SEM1: variants seen among roughly 807,000 people sequenced by gnomAD.
The protein encoded by SEM1 is SEM1 26S proteasome subunit.
SEM1 carries 3 observed loss-of-function variants against 12.7 expected under a neutral mutation model. The observed-to-expected ratio is 0.24, with a 90% CI of 0.11 to 0.61. The LOEUF (loss-of-function observed/expected upper bound fraction) is 0.61, where lower values mean the gene tolerates loss of function less well. SEM1 is among the 20% of genes least tolerant of loss of function. The pLI is 0.88. For synonymous variants in SEM1, 30 were observed against 27.8 expected, an observed-to-expected ratio of 1.08 and a Z score of -0.25; for missense variants, 59 against 81.3, an observed-to-expected ratio of 0.73 and a Z score of 1.06.
chr7:96,605,937 C>T (rs1807337434), intron 2 of SEM1, among the ~76,000 whole-genome samples: 1 of 152,144 alleles, frequency 6.6e-6, no homozygotes, highest in East Asian at 1.9e-4. Context: ...CAAGGGTACC[C>T]ACATTGTACA....
In SEM1 at chr7:96,612,980, A is replaced by G. The variant is rs1807588679; in HGVS notation, c.170+81818T>C. ...TAAAAAATTAAAACTTTTTTAAATG[A>G]AGAAAAGTACAAAAGAAAGTATTTT... On this transcript the variant is annotated intron_variant and NMD_transcript_variant, in intron 2 of 3. Transcript: ENST00000466986. Among the ~76,000 whole-genome samples the G allele has an allele frequency of 2.0e-5, 3 of 152,168 alleles. No individual in the cohort carries two copies. In the South Asian group the frequency reaches 6.2e-4, roughly 32 times the overall value.
Position 96,504,667 on chromosome 7 carries a change from AC to A in SEM1, c.*60+1955del, listed in dbSNP as rs1367460058. On this transcript the variant is annotated intron_variant and NMD_transcript_variant, in intron 3 of 3. Transcript: ENST00000466986. Reference sequence around the variant, plus strand: ...AGAAAAGCTACAGTACCATTTTCAAACCTAAAAACATCGAGCAATTCCTCAT... The same window carrying A: ...AGAAAAGCTACAGTACCATTTTCAAACTAAAAACATCGAGCAATTCCTCAT... Among the ~76,000 whole-genome samples the A allele has an allele frequency of 2.0e-5, 3 of 152,232 alleles. No individual in the cohort carries two copies. In the East Asian group the frequency reaches 5.8e-4, roughly 29 times the overall value.
chr7:96,694,842 A>G lies in SEM1; in HGVS notation c.126T>C (p.Asn42=). Residue 42 remains asparagine, a synonymous_variant, in exon 2 of 3, where the codon AAT becomes AAC. Coordinates refer to ENST00000248566, the MANE Select transcript of SEM1 (RefSeq NM_006304.2). ...CATCCTCTACATTGTCATCATCCCA[A>G]TTATCCTCCCAGACATGTGCATCTT... ...EDEDAHVWED[N]WDDDNVEDDF... The G allele has an allele frequency of 1.2e-6, 2 of 1,611,734 alleles. No individual in the cohort carries two copies. Among genetic ancestry groups the G allele is most frequent in the East Asian group, 2.2e-5 (1 of 44,774 alleles).
chr7:96,700,102 T>C (rs1244031114), intron 1 of SEM1, among the ~76,000 whole-genome samples: 1 of 152,214 alleles, frequency 6.6e-6, no homozygotes, highest in Non-Finnish European at 1.5e-5. Context: ...AAGCACTTAG[T>C]ACTGATAAAT....
chr7:96,552,588 C>T (rs1805319609), intron 2 of SEM1, among the ~76,000 whole-genome samples: 1 of 146,496 alleles, frequency 6.8e-6, no homozygotes, highest in Non-Finnish European at 1.5e-5. Context: ...TCCAGTCTAT[C>T]ATTGTTGGAC....
rs11974374 is a variant in SEM1, at chr7:96,518,246, G to T, written c.171-11548C>A. Among the ~76,000 whole-genome samples the T allele has an allele frequency of 5.1e-3, 770 of 152,198 alleles. 3 individuals are homozygous for T. The highest frequency in any genetic ancestry group is 0.018 in the African/African-American group (744 of 41,544). ...CCCCATATTATTCTTACTCAAATTC[G>T]GGGCTGGAGTGGAAAGTTTCTGCCA... On this transcript the variant is annotated intron_variant and NMD_transcript_variant, in intron 2 of 3. Coordinates refer to the SEM1 transcript ENST00000466986.
chr7:96,548,478 A>T (rs2115826427), intron 2 of SEM1, among the ~76,000 whole-genome samples: 1 of 152,292 alleles, frequency 6.6e-6, no homozygotes, highest in South Asian at 2.1e-4. Context: ...CTGTATTTTA[A>T]CAAAATCCCC....
At chr7:96,561,044 G>C (rs1306718325) in intron 2 of SEM1, among the ~76,000 whole-genome samples, 2 of 152,052 alleles carry the variant, frequency 1.3e-5, no homozygotes, top group African/African-American at 4.8e-5. Context: ...AGTCTCCCCA[G>C]TAGCTGAGAC....
At chr7:96,579,645 AATATTC>A (rs1479279735) in intron 2 of SEM1, among the ~76,000 whole-genome samples, 1 of 152,220 alleles carries the variant, frequency 6.6e-6, no homozygotes, top group African/African-American at 2.4e-5. Flanking sequence ...TACTAAAACT[AATATTC>A]ATAGTAATGT....
chr7:96,519,450 C>T (rs952154895), intron 2 of SEM1, among the ~76,000 whole-genome samples: 1 of 151,780 alleles, frequency 6.6e-6, no homozygotes, highest in African/African-American at 2.4e-5. Flanking sequence ...ATACATACTA[C>T]GGAAAAAGAA....
intron 2 of SEM1, among the ~76,000 whole-genome samples, chr7:96,588,153 G>C (rs1806703233): frequency 6.7e-6 from 1 of 148,964 alleles, no homozygotes; most frequent in South Asian, 2.2e-4. Context: ...AGGATCGCTT[G>C]AGCCCAGGAC....
intron 2 of SEM1, among the ~76,000 whole-genome samples, chr7:96,525,458 C>T (rs1452539816): frequency 2.6e-5 from 4 of 152,040 alleles, no homozygotes; most frequent in Non-Finnish European, 2.9e-5. Context: ...CCGGGTACAA[C>T]TCGGATAGAG....
chr7:96,704,200 G>GT (rs1226778372), intron 1 of SEM1, among the ~76,000 whole-genome samples: 1 of 151,772 alleles, frequency 6.6e-6, no homozygotes, highest in African/African-American at 2.4e-5. Context: ...TTCTGTGTAT[G>GT]TATTTAAAGG....
intron 2 of SEM1, among the ~76,000 whole-genome samples, chr7:96,589,877 C>CA (rs1806774031): frequency 6.6e-6 from 1 of 152,106 alleles, no homozygotes; most frequent in Admixed American, 6.6e-5. Flanking sequence ...TGAGTGACTG[C>CA]AGATGACTTG....
intron 1 of SEM1, among the ~76,000 whole-genome samples, chr7:96,488,805 C>T (rs967624749): frequency 9.2e-5 from 14 of 152,052 alleles, no homozygotes; most frequent in African/African-American, 2.9e-4. Context: ...AGCATAATTC[C>T]GTGCCAAAAT....
intron 2 of SEM1, among the ~76,000 whole-genome samples, chr7:96,588,757 C>A (rs969682362): frequency 6.6e-5 from 10 of 151,906 alleles, no homozygotes; most frequent in Non-Finnish European, 1.0e-4. Context: ...CAGAGCAAGA[C>A]CCTGTCTCAA....
chr7:96,604,878 C>G (rs545882061), intron 2 of SEM1, among the ~76,000 whole-genome samples: 1 of 122,046 alleles, frequency 8.2e-6, no homozygotes, highest in African/African-American at 3.0e-5. Flanking sequence ...AAGATTATGC[C>G]ACTGCACTCC....
intron 2 of SEM1, among the ~76,000 whole-genome samples, chr7:96,628,490 C>T (rs1808143399): frequency 1.3e-5 from 2 of 152,082 alleles, no homozygotes; most frequent in South Asian, 2.1e-4. Flanking sequence ...ACTGAATACT[C>T]ATTGCATAAA....
chr7:96,571,361 A>G (rs1441902325), intron 2 of SEM1, among the ~76,000 whole-genome samples: 5 of 151,942 alleles, frequency 3.3e-5, no homozygotes. Context: ...TCTTTAATCC[A>G]TCTTGAGTTA....
Sources: gnomAD v4.1 joint callset for allele counts (sites outside exome capture counted in the v4.1 genomes callset) on GRCh38, gnomAD v4.1.1 for gene constraint, MANE v1.5 for transcripts, NCBI Gene and HGNC (gene_info 2026-07-23, HGNC 2026-07-21) for gene names.